Variants in BPIFA1 observed in about 807,000 individuals in gnomAD.
BPIFA1 encodes BPI fold-containing family A member 1.
Under a neutral mutation model 25.1 loss-of-function variants are expected in BPIFA1, and 24 were observed. The ratio of observed to expected loss-of-function variants is 0.96; its 90% CI spans 0.69 to 1.35. The LOEUF (loss-of-function observed/expected upper bound fraction) is 1.35, where lower values mean the gene tolerates loss of function less well. Ranked by LOEUF, BPIFA1 falls within the 40% of genes most tolerant of loss-of-function variation. BPIFA1 has a pLI of 0.00. For synonymous variants in BPIFA1, 139 were observed against 131.8 expected (o/e 1.05, Z -0.37); for missense variants, 344 against 303.7 (o/e 1.13, Z -0.99).
chr20:33,239,702 A>C, intron 3 of BPIFA1, 101 bp from the exon 4 acceptor site: 8 of 1,169,140 alleles, frequency 6.8e-6, no homozygotes, highest in Non-Finnish European at 1.0e-5. Flanking sequence ...CCTGGGTGGG[A>C]AGCTCTACCT....
At chr20:33,242,657 AAG>A (rs1979039616) in intron 8 of BPIFA1, 96 bp downstream of exon 8, 2 of 900,830 alleles carry the variant, frequency 2.2e-6, no homozygotes, top group Non-Finnish European at 3.5e-6. Flanking sequence ...CATCCAAAGA[AAG>A]AGACAAACAT....
At chr20:33,241,279 C>T in intron 5 of BPIFA1, 106 bp from the exon 6 acceptor site, 1 of 1,082,790 alleles carries the variant, frequency 9.2e-7, no homozygotes, top group South Asian at 1.3e-5. Context: ...CAAGGCTCGG[C>T]TTTAGTGACT....
chr20:33,241,631 C>T (rs1418197292), intron 6 of BPIFA1, among the ~76,000 whole-genome samples, 162 bp downstream of exon 6: 3 of 152,216 alleles, frequency 2.0e-5, no homozygotes, highest in Non-Finnish European at 4.4e-5. Flanking sequence ...TTCTTCTTTA[C>T]ATCTTTCCAA....
intron 1 of BPIFA1, among the ~76,000 whole-genome samples, chr20:33,237,078 A>G (rs148023988): frequency 2.0e-5 from 3 of 152,324 alleles, no homozygotes; most frequent in Admixed American, 6.5e-5. Flanking sequence ...TTGTCTGAAG[A>G]GCAGCAATGA....
intron 6 of BPIFA1, 23 bp from the exon 7 acceptor site, chr20:33,242,033 C>A (rs766830392): frequency 1.2e-6 from 2 of 1,611,796 alleles, no homozygotes; most frequent in Admixed American, 1.7e-5. Flanking sequence ...CTCTGCCTAA[C>A]TCTCCTCTCT....
rs1978862385 is a variant in BPIFA1, at chr20:33,239,711, C to T, written c.321-92C>T. On this transcript the variant is annotated intron_variant, in intron 3 of 8. Transcript: ENST00000354297. ...CCCTATCCTGGGTGGGAAGCTCTAC[C>T]TCTGGGATGGGTACTGTTAGGTTAA... is the stretch of plus-strand genomic sequence containing the variant. The T allele has an allele frequency of 2.4e-6, 3 of 1,274,258 alleles. No homozygotes were observed. The South Asian group carries it at 3.7e-5, about 16-fold the overall frequency. The allele number at this position is 1,274,258 out of a possible 1,614,324, so 78.9% of individuals were successfully genotyped here. A position where few individuals can be genotyped will look rare whatever the true frequency, so the allele number is the denominator to read the frequency against.
At chr20:33,240,415 C>T (rs1330276349) in intron 5 of BPIFA1, 30 bp downstream of exon 5, 1 of 1,610,498 alleles carries the variant, frequency 6.2e-7, no homozygotes, top group Non-Finnish European at 8.5e-7. Context: ...TTATCCTGCC[C>T]AGAGATGACA....
intron 5 of BPIFA1, among the ~76,000 whole-genome samples, chr20:33,240,788 G>C (rs1978940486): frequency 6.6e-6 from 1 of 152,116 alleles, no homozygotes; most frequent in African/African-American, 2.4e-5. Flanking sequence ...CAGGGGAATG[G>C]GGATAGAGGG....
Position 33,237,799 on chromosome 20 carries a change from C to A in BPIFA1, c.88C>A (p.Gln30Lys). ...TGGAGGCCTGCCCGTGCCCCTGGACCAGACCCTGCCCTTGAATGTGAATCC... is the reference window on the plus strand; with the variant it reads ...TGGAGGCCTGCCCGTGCCCCTGGACAAGACCCTGCCCTTGAATGTGAATCC... ...QFGGLPVPLD[Q>K]TLPLNVNPAL... The change falls in exon 2 of 9, where the codon CAG becomes AAG. Residue 30 changes from glutamine (Q) to lysine (K), a missense_variant. Physicochemically the swap from Gln to Lys is moderately conservative, Grantham distance 53 (BLOSUM62 1). Transcript: ENST00000354297. The A allele has an allele frequency of 6.2e-7, 1 of 1,603,258 alleles. No individual in the cohort carries two copies. Among genetic ancestry groups the A allele is most frequent in the Non-Finnish European group, 8.5e-7 (1 of 1,174,502 alleles).
intron 6 of BPIFA1, 85 bp from the exon 7 acceptor site, chr20:33,241,971 G>A (rs1277868239): frequency 1.6e-6 from 2 of 1,253,256 alleles, no homozygotes. Context: ...AAAAATGACA[G>A]GAAATTTCCC....
At chr20:33,242,280 T>C (rs1317877859) in intron 7 of BPIFA1, among the ~76,000 whole-genome samples, 161 bp downstream of exon 7, 7 of 152,160 alleles carry the variant, frequency 4.6e-5, no homozygotes, top group Admixed American at 4.6e-4. Flanking sequence ...AATTTTGAGA[T>C]AGACACCGTG....
At chr20:33,241,309 T>G (rs1600641858) in intron 5 of BPIFA1, 76 bp from the exon 6 acceptor site, 3 of 1,352,578 alleles carry the variant, frequency 2.2e-6, no homozygotes, top group Admixed American at 1.7e-5. Flanking sequence ...GACTGTGGGG[T>G]TCACAGTGGC....
chr20:33,237,598 TG>T, intron 1 of BPIFA1, 98 bp from the exon 2 acceptor site: 2 of 1,022,736 alleles, frequency 2.0e-6, no homozygotes, highest in South Asian at 3.4e-5. Context: ...CCTGGTGTTC[TG>T]GGGAGCAAAC....
intron 8 of BPIFA1, 119 bp downstream of exon 8, chr20:33,242,680 A>C: frequency 2.7e-6 from 2 of 730,176 alleles, no homozygotes. Context: ...CTACAGAGGT[A>C]CACACAGGGA....
intron 3 of BPIFA1, among the ~76,000 whole-genome samples, chr20:33,238,562 G>T (rs1051192431): frequency 5.9e-5 from 9 of 152,184 alleles, no homozygotes; most frequent in Admixed American, 4.6e-4. Flanking sequence ...AGTGAGTAAG[G>T]CTCTCACTCT....
chr20:33,241,438 A>C lies in BPIFA1; in HGVS notation c.635A>C (p.Asn212Thr). 6.2e-7 allele frequency: 1 copy of C among 1,614,148 alleles called. No homozygotes were observed. The highest frequency in any genetic ancestry group is 1.3e-5 in the African/African-American group (1 of 75,048). Residue 212 changes from asparagine (N) to threonine (T), a missense_variant, in exon 6 of 9, where the codon AAT becomes ACT. Physicochemically the swap from Asn to Thr is moderately conservative, Grantham distance 65. Coordinates refer to ENST00000354297, the MANE Select transcript of BPIFA1 (RefSeq NM_130852.3). The stretch of plus-strand genomic sequence containing the variant: ...CTGGACAGCCTCACAGGGATCTTGA[A>C]TAAAGTCCTGCCTGAGTTGGTTCAG... ...GLLDSLTGIL[N>T]KVLPELVQGN...
chr20:33,239,205 G>A (rs985821920), intron 3 of BPIFA1, among the ~76,000 whole-genome samples: 35 of 152,064 alleles, frequency 2.3e-4, no homozygotes, highest in Non-Finnish European at 7.4e-5. Flanking sequence ...GACAATGGGA[G>A]AATGGCTTCC....
chr20:33,241,399 C>T lies in BPIFA1; in HGVS notation c.596C>T (p.Pro199Leu). The T allele has an allele frequency of 1.2e-6, 2 of 1,614,016 alleles. No individual in the cohort carries two copies. The highest frequency in any genetic ancestry group is 1.7e-6 in the Non-Finnish European group (2 of 1,179,888). Residue 199 changes from proline (P) to leucine (L), a missense_variant, in exon 6 of 9, where the codon CCC (proline) becomes CTC (leucine). By Grantham distance (98) the Pro-to-Leu change is moderately conservative. Transcript: ENST00000354297. ...ISLLDGLGPL[P>L]IQGLLDSLTG... ...TTCTCTTTCAGACTTGGCCCCCTCC[C>T]CATTCAAGGTCTTCTGGACAGCCTC...
chr20:33,237,423 G>A (rs913601960), intron 1 of BPIFA1, among the ~76,000 whole-genome samples: 2 of 152,178 alleles, frequency 1.3e-5, no homozygotes, highest in African/African-American at 4.8e-5. Flanking sequence ...GGTGGAGTGG[G>A]GCTGTCTCCT....
Sources: gnomAD v4.1 joint callset for allele counts (sites outside exome capture counted in the v4.1 genomes callset) on GRCh38, gnomAD v4.1.1 for gene constraint, MANE v1.5 for transcripts, NCBI Gene and HGNC (gene_info 2026-07-23, HGNC 2026-07-21) for gene names.